The following POU6F2 variants were observed in gnomAD, a reference collection of about 807,000 sequenced individuals.
POU6F2 encodes POU domain, class 6, transcription factor 2.
A neutral mutation model predicts 71.3 loss-of-function variants in POU6F2; 31 were observed. The ratio of observed to expected loss-of-function variants is 0.43; its 90% CI spans 0.33 to 0.59. The LOEUF (loss-of-function observed/expected upper bound fraction) is 0.59. Among genes scored for constraint, POU6F2 ranks in the 20% least tolerant of loss-of-function variants. The pLI is 0.04. For synonymous variants in POU6F2, 347 were observed against 355.7 expected, an observed-to-expected ratio of 0.98 and a Z score of 0.27; for missense variants, 783 against 856.8, an observed-to-expected ratio of 0.91 and a Z score of 1.07.
chr7:39,041,916 G>A (rs1790201131), intron 1 of POU6F2, among the ~76,000 whole-genome samples: 3 of 151,868 alleles, frequency 2.0e-5, no homozygotes, highest in Non-Finnish European at 2.9e-5. Flanking sequence ...TTCACCATGC[G>A]AGGAGGATTG....
intron 1 of POU6F2, among the ~76,000 whole-genome samples, chr7:39,067,859 A>G (rs570435281): frequency 6.6e-6 from 1 of 152,326 alleles, no homozygotes; most frequent in Non-Finnish European, 1.5e-5. Context: ...AAATTAAAAC[A>G]TTAATAAAAT....
At chr7:39,294,627 C>T (rs1023057800) in intron 4 of POU6F2, among the ~76,000 whole-genome samples, 6 of 151,964 alleles carry the variant, frequency 3.9e-5, no homozygotes, top group African/African-American at 1.4e-4. Flanking sequence ...AATGTTGTTT[C>T]ACTAGTTGCT....
At chr7:39,307,848 G>T (rs934798100) in intron 4 of POU6F2, among the ~76,000 whole-genome samples, 1 of 151,988 alleles carries the variant, frequency 6.6e-6, no homozygotes, top group Non-Finnish European at 1.5e-5. Context: ...CAGCTACTCA[G>T]AGAGGCTGAG....
intron 6 of POU6F2, among the ~76,000 whole-genome samples, chr7:39,430,262 C>G (rs529847732): frequency 6.6e-6 from 1 of 152,148 alleles, no homozygotes; most frequent in East Asian, 1.9e-4. Flanking sequence ...GAAAGGGGAA[C>G]AAAAATAAGA....
chr7:39,327,196 G>A (rs1045664684), intron 4 of POU6F2, among the ~76,000 whole-genome samples: 33 of 151,586 alleles, frequency 2.2e-4, no homozygotes, highest in Non-Finnish European at 4.3e-4. Flanking sequence ...GGAGAATGGC[G>A]TGAACCCAGG....
At chr7:39,194,815 C>T (rs1030232698) in intron 2 of POU6F2, among the ~76,000 whole-genome samples, 3 of 152,158 alleles carry the variant, frequency 2.0e-5, no homozygotes, top group East Asian at 1.9e-4. Context: ...CTTAAGTCAG[C>T]GAGACCACGA....
chr7:39,215,603 T>C (rs1022092858), intron 4 of POU6F2, among the ~76,000 whole-genome samples: 1 of 152,134 alleles, frequency 6.6e-6, no homozygotes, highest in Non-Finnish European at 1.5e-5. Flanking sequence ...GCATTAGAGG[T>C]AGTGATCTGG....
At chr7:39,436,556 T>C (rs1390860965) in intron 7 of POU6F2, among the ~76,000 whole-genome samples, 1 of 152,130 alleles carries the variant, frequency 6.6e-6, no homozygotes, top group Non-Finnish European at 1.5e-5. Context: ...TATAAAATCA[T>C]GTCGTCTGCA....
At chr7:38,998,816 A>ATT (rs757703122) in intron 1 of POU6F2, among the ~76,000 whole-genome samples, 84 of 116,558 alleles carry the variant, frequency 7.2e-4, no homozygotes, top group African/African-American at 1.6e-3. Context: ...CACCCGGCTA[A>ATT]TTTTTTTTTT....
intron 4 of POU6F2, among the ~76,000 whole-genome samples, chr7:39,310,653 AAC>A (rs1785145340): frequency 6.6e-6 from 1 of 152,268 alleles, no homozygotes; most frequent in African/African-American, 2.4e-5. Context: ...ATGTAAGTAC[AAC>A]ATACTAGTTT....
At chr7:38,985,411 C>T (rs796334327) in intron 1 of POU6F2, among the ~76,000 whole-genome samples, 3 of 151,970 alleles carry the variant, frequency 2.0e-5, no homozygotes, top group African/African-American at 7.2e-5. Context: ...GGTCTTTGGG[C>T]CGAAACAATT....
rs1329591811 is a variant in POU6F2 at position 39,323,533 on chromosome 7, T to C, written c.599-16109T>C. Among the ~76,000 whole-genome samples, 3 of 152,176 alleles carry C rather than the reference T, an allele frequency of 2.0e-5. No individual in the cohort carries two copies. The East Asian group carries it at 5.8e-4, about 29-fold the overall frequency. On this transcript the variant is annotated intron_variant, in intron 4 of 9. Transcript: ENST00000518318. ...TCAGCTTCTACCTCTGGACTAGAAG[T>C]GAGGTTCTCAGAAGAGGTCAGAGTG...
chr7:39,120,204 AT>A (rs1387420994), intron 2 of POU6F2, among the ~76,000 whole-genome samples: 2 of 152,208 alleles, frequency 1.3e-5, no homozygotes, highest in African/African-American at 4.8e-5. Flanking sequence ...GGGTCTCGCT[AT>A]GCTGCTCAGG....
At chr7:39,195,909 C>A (rs964371655) in intron 2 of POU6F2, among the ~76,000 whole-genome samples, 1 of 152,146 alleles carries the variant, frequency 6.6e-6, no homozygotes, top group Non-Finnish European at 1.5e-5. Context: ...CATCTCCTCA[C>A]CCCCAAAACG....
At chr7:39,159,479 C>A (rs554911339) in intron 2 of POU6F2, among the ~76,000 whole-genome samples, 200 of 152,300 alleles carry the variant, frequency 1.3e-3, no homozygotes, top group Admixed American at 3.8e-3. Context: ...ACTTTTATAG[C>A]TTTGACTACC....
chr7:38,989,587 T>C (rs1276106031), intron 1 of POU6F2, among the ~76,000 whole-genome samples: 2 of 152,122 alleles, frequency 1.3e-5, no homozygotes, highest in African/African-American at 2.4e-5. Context: ...GAAGAAATTT[T>C]TTAGGGATAA....
chr7:39,071,654 A>AACACACACAC lies in POU6F2; in HGVS notation c.106-14170_106-14161dup, dbSNP rs10522287. Among the ~76,000 whole-genome samples the AACACACACAC allele has an allele frequency of 5.2e-4, 74 of 142,154 alleles. 2 individuals carry two copies. The highest frequency in any genetic ancestry group is 1.5e-3 in the African/African-American group (56 of 37,526). 93.3% of individuals were successfully genotyped at this position (142,154 alleles called of 152,430 possible). On this transcript the variant is annotated intron_variant, in intron 1 of 9. Transcript: ENST00000518318. ...CATGGTGAAACCCCATCTCTAAAGA[A>AACACACACAC]ACACACACACACACACACACACACA...
intron 4 of POU6F2, among the ~76,000 whole-genome samples, chr7:39,239,277 A>G (rs924253501): frequency 6.6e-6 from 1 of 152,118 alleles, no homozygotes; most frequent in Non-Finnish European, 1.5e-5. Context: ...TCCTCAATGT[A>G]GAATGGCCAA....
At chr7:39,329,543 T>C (rs1353490831) in intron 4 of POU6F2, among the ~76,000 whole-genome samples, 1 of 152,196 alleles carries the variant, frequency 6.6e-6, no homozygotes. Context: ...AAAGTCAAAA[T>C]GTTTTGGAGT....
Sources: allele counts gnomAD v4.1 joint callset (sites outside exome capture counted in the v4.1 genomes callset), GRCh38; gene constraint gnomAD v4.1.1; transcripts MANE v1.5; gene names NCBI Gene and HGNC (gene_info 2026-07-23, HGNC 2026-07-21).